The following GOLM1 variants were observed in gnomAD, a reference collection of about 807,000 sequenced individuals.
GOLM1 encodes epididymis luminal protein 46.
Under a neutral mutation model 50.5 loss-of-function variants are expected in GOLM1, and 31 were observed. The ratio of observed to expected loss-of-function variants is 0.61; its 90% CI spans 0.46 to 0.83. GOLM1 has a LOEUF of 0.83. Ranked by LOEUF, GOLM1 falls within the 40% of genes least tolerant of loss-of-function variation. The pLI, the probability that GOLM1 is intolerant of heterozygous loss-of-function variation, is 0.00. For missense variants in GOLM1, 491 were observed against 501.3 expected (o/e 0.98, Z 0.20); for synonymous variants, 178 against 192.8 (o/e 0.92, Z 0.64).
At chr9:86,052,501 G>A (rs1388151171) in intron 4 of GOLM1, 36 bp downstream of exon 4, 2 of 1,594,524 alleles carry the variant, frequency 1.3e-6, no homozygotes, top group East Asian at 2.2e-5. Context: ...CTCCTCAAAG[G>A]CCAGTGCCTG....
chr9:86,086,643 A>G (rs1834971748), intron 1 of GOLM1, among the ~76,000 whole-genome samples: 1 of 152,218 alleles, frequency 6.6e-6, no homozygotes, highest in South Asian at 2.1e-4. Context: ...GGTGTAAGGA[A>G]GAGGTCCAGT....
intron 1 of GOLM1, among the ~76,000 whole-genome samples, chr9:86,091,906 T>A (rs1260973094): frequency 6.6e-6 from 1 of 152,232 alleles, no homozygotes; most frequent in Non-Finnish European, 1.5e-5. Flanking sequence ...GCAGCTACCA[T>A]GAGTCAGGTG....
intron 3 of GOLM1, among the ~76,000 whole-genome samples, chr9:86,073,222 GAA>G (rs954087943): frequency 7.1e-6 from 1 of 140,170 alleles, no homozygotes. Flanking sequence ...TGGAAGTTTA[GAA>G]AAAAAAAAAA....
chr9:86,042,800 G>A (rs1326446265), intron 5 of GOLM1, among the ~76,000 whole-genome samples: 2 of 152,212 alleles, frequency 1.3e-5, no homozygotes, highest in African/African-American at 2.4e-5. Flanking sequence ...TCACAGCCTT[G>A]CAGATCAACT....
intron 4 of GOLM1, among the ~76,000 whole-genome samples, chr9:86,050,760 CTTT>C (rs1476593683): frequency 1.3e-5 from 2 of 150,868 alleles, no homozygotes; most frequent in Admixed American, 6.6e-5. Flanking sequence ...CTCCTTTCTT[CTTT>C]ATTAGTCTTG....
intron 1 of GOLM1, among the ~76,000 whole-genome samples, chr9:86,095,921 G>A (rs1306631350): frequency 6.6e-6 from 1 of 152,224 alleles, no homozygotes; most frequent in African/African-American, 2.4e-5. Flanking sequence ...CTTAGGAAAA[G>A]AGTACTGATG....
chr9:86,066,387 A>G lies in GOLM1; in HGVS notation c.309+11025T>C, dbSNP rs189647114. On this transcript the variant is annotated intron_variant, in intron 3 of 9. Coordinates refer to ENST00000388712, the MANE Select transcript of GOLM1 (RefSeq NM_016548.4). ...GGCAAGCATGACAACAGTGAGGCTG[A>G]GCGCCCCCTGCACTTTCCCACTGCC... Among the ~76,000 whole-genome samples, 15 of 152,286 alleles carry G rather than the reference A, an allele frequency of 9.8e-5. No homozygotes were observed. The East Asian group carries it at 2.9e-3, about 29-fold the overall frequency.
chr9:86,033,519 T>C (rs1435752391), intron 8 of GOLM1, 124 bp from the exon 9 acceptor site: 3 of 651,158 alleles, frequency 4.6e-6, no homozygotes, highest in Non-Finnish European at 8.2e-6. Flanking sequence ...GCTGCCTCTC[T>C]GGAAATGGTA....
At chr9:86,033,133 G>T in intron 9 of GOLM1, 149 bp downstream of exon 9, 1 of 606,774 alleles carries the variant, frequency 1.6e-6, no homozygotes, top group Non-Finnish European at 2.9e-6. Flanking sequence ...CACTGCCCCT[G>T]GTTTAAAAGC....
intron 3 of GOLM1, among the ~76,000 whole-genome samples, chr9:86,069,120 G>A (rs1834382873): frequency 6.7e-6 from 1 of 149,048 alleles, no homozygotes; most frequent in Non-Finnish European, 1.5e-5. Flanking sequence ...ACTAATAAAA[G>A]CTTACATGTA....
intron 3 of GOLM1, among the ~76,000 whole-genome samples, chr9:86,070,590 A>T (rs553992670): frequency 3.3e-5 from 5 of 152,142 alleles, no homozygotes; most frequent in Admixed American, 6.6e-5. Context: ...AAACAAAAAA[A>T]ACCTGATTAT....
intron 1 of GOLM1, among the ~76,000 whole-genome samples, chr9:86,086,285 T>C (rs1194149387): frequency 6.6e-6 from 1 of 152,240 alleles, no homozygotes; most frequent in Non-Finnish European, 1.5e-5. Flanking sequence ...GAGAAGTCTC[T>C]GTTCATATCC....
chr9:86,088,744 G>A (rs1389567359), intron 1 of GOLM1, among the ~76,000 whole-genome samples: 3 of 151,690 alleles, frequency 2.0e-5, no homozygotes, highest in Non-Finnish European at 4.4e-5. Context: ...TTTAATTGGG[G>A]CATTTAGCCC....
Position 86,040,850 on chromosome 9 carries a change from CTGAT to C in GOLM1, c.482_485del (p.Asn161ArgfsTer2). ...CACACTGTTCCTTCACCTCCTTCAT[CTGAT>C]TGATGCACTGGCTCCTTTGGTGAAA... On this transcript the variant is annotated frameshift_variant, in exon 6 of 10. Coordinates refer to ENST00000388712, the MANE Select transcript of GOLM1 (RefSeq NM_016548.4). LOFTEE classifies it high-confidence loss of function. 1 of 1,613,898 alleles carries C rather than the reference CTGAT, an allele frequency of 6.2e-7. No individual in the cohort carries two copies. Among genetic ancestry groups the C allele is most frequent in the South Asian group, 1.1e-5 (1 of 91,040 alleles).
chr9:86,032,673 G>A (rs1318060770), intron 9 of GOLM1, among the ~76,000 whole-genome samples: 5 of 152,120 alleles, frequency 3.3e-5, no homozygotes, highest in Non-Finnish European at 7.4e-5. Context: ...TCTAGATGAC[G>A]TATTAATATC....
chr9:86,054,745 A>C (rs1324393574), intron 3 of GOLM1, among the ~76,000 whole-genome samples: 1 of 152,204 alleles, frequency 6.6e-6, no homozygotes, highest in Non-Finnish European at 1.5e-5. Context: ...AGTAGGCTGT[A>C]CCTAATGTTA....
At chr9:86,086,391 G>T (rs1419137811) in intron 1 of GOLM1, among the ~76,000 whole-genome samples, 1 of 152,018 alleles carries the variant, frequency 6.6e-6, no homozygotes, top group Non-Finnish European at 1.5e-5. Flanking sequence ...GATTACAAAA[G>T]TTTTCTCCTA....
intron 5 of GOLM1, among the ~76,000 whole-genome samples, chr9:86,045,695 TACACAC>T (rs771914212): frequency 4.1e-5 from 6 of 147,502 alleles, no homozygotes; most frequent in East Asian, 2.0e-4. Flanking sequence ...AAAAAGTATA[TACACAC>T]ACACACACAC....
intron 5 of GOLM1, among the ~76,000 whole-genome samples, chr9:86,043,659 G>T (rs927547683): frequency 6.6e-6 from 1 of 152,158 alleles, no homozygotes; most frequent in African/African-American, 2.4e-5. Context: ...ACGGCCTTGG[G>T]CACAAGTAGT....
Sources: gnomAD v4.1 joint callset for allele counts (sites outside exome capture counted in the v4.1 genomes callset) on GRCh38, gnomAD v4.1.1 for gene constraint, MANE v1.5 for transcripts, NCBI Gene and HGNC (gene_info 2026-07-23, HGNC 2026-07-21) for gene names.